The following EPAS1 variants were observed in gnomAD, a reference collection of about 807,000 sequenced individuals.
EPAS1 encodes endothelial PAS domain-containing protein 1.
EPAS1 carries 23 observed loss-of-function variants against 87.9 expected under a neutral mutation model. That is an observed-to-expected ratio of 0.26 (90% CI 0.19 to 0.37). The LOEUF is 0.37. EPAS1 is among the 10% of genes least tolerant of loss of function. The pLI, the probability that EPAS1 is intolerant of heterozygous loss-of-function variation, is 1.00. For missense variants in EPAS1, 1,138 were observed against 1,120.7 expected (o/e 1.02, Z -0.22); for synonymous variants, 508 against 444.3 (o/e 1.14, Z -1.80).
intron 1 of EPAS1, among the ~76,000 whole-genome samples, chr2:46,316,345 G>T (rs1284423234): frequency 6.6e-6 from 1 of 151,440 alleles, no homozygotes; most frequent in Non-Finnish European, 1.5e-5. Context: ...TGCAACTTCC[G>T]CCTCCTGGGT....
chr2:46,379,952 C>G (rs914059449), intron 11 of EPAS1: 2 of 538,202 alleles, frequency 3.7e-6, no homozygotes, highest in African/African-American at 1.9e-5. Flanking sequence ...AAGGCGGGCT[C>G]CGGACAGGTG....
chr2:46,329,291 C>T (rs1168354175), intron 1 of EPAS1, among the ~76,000 whole-genome samples: 1 of 152,182 alleles, frequency 6.6e-6, no homozygotes, highest in African/African-American at 2.4e-5. Context: ...TGCTAGAATG[C>T]TCTTTCTTTC....
chr2:46,346,270 A>G lies in EPAS1; in HGVS notation c.27-603A>G, dbSNP rs1451206085. ...CCCACTCCTTTTTAATCCTTGACAG[A>G]ACGCACGTTGGTACTCTAGACTGTT... is the stretch of plus-strand genomic sequence containing the variant. On this transcript the variant is annotated intron_variant, in intron 1 of 15. Coordinates refer to ENST00000263734, the MANE Select transcript of EPAS1 (RefSeq NM_001430.5). The surrounding 1 kb of genome is among the most constrained non-coding windows in gnomAD (Gnocchi z 4.0). Among the ~76,000 whole-genome samples the G allele has an allele frequency of 6.6e-6, 1 of 152,208 alleles. No homozygotes were observed. Among genetic ancestry groups the G allele is most frequent in the Non-Finnish European group, 1.5e-5 (1 of 68,040 alleles).
Position 46,297,775 on chromosome 2 carries a change from G to A in EPAS1, c.-137G>A. On this transcript the variant is annotated 5_prime_UTR_variant, in exon 1 of 16. Coordinates refer to ENST00000263734, the MANE Select transcript of EPAS1 (RefSeq NM_001430.5). ...GCGCCACCTTCCACCTGACTGCGCGGGGCGCTCGGGACCTGCGCGCACCTC... is the reference window on the plus strand; with the variant it reads ...GCGCCACCTTCCACCTGACTGCGCGAGGCGCTCGGGACCTGCGCGCACCTC... 2 of 1,221,862 alleles carry A rather than the reference G, an allele frequency of 1.6e-6. No homozygotes were observed. Among genetic ancestry groups the A allele is most frequent in the Non-Finnish European group, 2.3e-6 (2 of 860,090 alleles). The allele number at this position is 1,221,862 out of a possible 1,614,324, so 75.7% of individuals were successfully genotyped here.
At chr2:46,331,958 G>C (rs6746948) in intron 1 of EPAS1, among the ~76,000 whole-genome samples, 7,347 of 152,238 alleles carry the variant, frequency 0.048, 576 homozygotes, top group African/African-American at 0.17. Context: ...GCATAAAGTA[G>C]AATTAGCAGT....
intron 6 of EPAS1, among the ~76,000 whole-genome samples, chr2:46,366,789 C>T (rs572202303): frequency 2.6e-5 from 4 of 152,334 alleles, no homozygotes; most frequent in South Asian, 2.1e-4. Flanking sequence ...CAGCCCAGCT[C>T]GGAAGGCTTG....
Position 46,297,603 on chromosome 2 carries a change from C to A in EPAS1, c.-309C>A. On this transcript the variant is annotated 5_prime_UTR_variant, in exon 1 of 16. Coordinates refer to ENST00000263734, the MANE Select transcript of EPAS1 (RefSeq NM_001430.5). The stretch of plus-strand genomic sequence containing the variant: ...AAACTCAGAAAAGTGACTCCTTTTC[C>A]AGGGAAAAAGGAACTTGGGTTCCCT... The A allele has an allele frequency of 2.4e-6, 1 of 421,528 alleles. No homozygotes were observed. Among genetic ancestry groups the A allele is most frequent in the Non-Finnish European group, 4.3e-6 (1 of 230,130 alleles). 26.1% of individuals were successfully genotyped at this position (421,528 alleles called of 1,614,324 possible).
chr2:46,364,401 T>C lies in EPAS1; in HGVS notation c.779+3311T>C, dbSNP rs386507522. Reference sequence around the variant, plus strand: ...CAATCAAGCAAAAAAAGAAAAAGGGTCATGGAGAAAAAGATGAAAACCGAC... The same window carrying C: ...CAATCAAGCAAAAAAAGAAAAAGGGCCATGGAGAAAAAGATGAAAACCGAC... On this transcript the variant is annotated intron_variant, in intron 6 of 15. Transcript: ENST00000263734. Among the ~76,000 whole-genome samples, 28 of 151,752 alleles carry C rather than the reference T, an allele frequency of 1.8e-4. No individual in the cohort carries two copies. In the South Asian group the frequency reaches 3.6e-3, roughly 19 times the overall value.
Position 46,384,963 on chromosome 2 carries a change from C to A in EPAS1, c.*303C>A. On this transcript the variant is annotated 3_prime_UTR_variant, in exon 16 of 16. Transcript: ENST00000263734. ...TATTATCCATAGGTTTCTCTCCCTC[C>A]TTCTCCTTCTCACACACAACTGTCC... The A allele has an allele frequency of 2.4e-6, 1 of 413,814 alleles. No homozygotes were observed. 25.6% of individuals were successfully genotyped at this position (413,814 alleles called of 1,614,324 possible). A position where few individuals can be genotyped will look rare whatever the true frequency, so the allele number is the denominator to read the frequency against.
intron 1 of EPAS1, among the ~76,000 whole-genome samples, chr2:46,318,701 A>T (rs1208431414): frequency 1.3e-5 from 2 of 152,198 alleles, no homozygotes; most frequent in African/African-American, 4.8e-5. Flanking sequence ...TTAGGAGCTC[A>T]TATGCCATGT....
In EPAS1 at chr2:46,375,514, G is replaced by A; in HGVS notation, c.887-176G>A. On this transcript the variant is annotated intron_variant, in intron 7 of 15. Transcript: ENST00000263734. The surrounding 1 kb of genome is among the most constrained non-coding windows in gnomAD (Gnocchi z 4.1). The stretch of plus-strand genomic sequence containing the variant: ...TTTCCTATATTTAAAATGAAGAGTT[G>A]GCTGAGGTGATCCCTAAGCTCCCTC... 1.4e-6 allele frequency: 1 copy of A among 711,944 alleles called. No individual in the cohort carries two copies. The highest frequency in any genetic ancestry group is 1.7e-5 in the South Asian group (1 of 59,150). 44.1% of individuals were successfully genotyped at this position (711,944 alleles called of 1,614,324 possible). A position where few individuals can be genotyped will look rare whatever the true frequency, so the allele number is the denominator to read the frequency against.
chr2:46,324,396 C>T (rs903044780), intron 1 of EPAS1, among the ~76,000 whole-genome samples: 3 of 152,126 alleles, frequency 2.0e-5, no homozygotes, highest in Non-Finnish European at 4.4e-5. Flanking sequence ...AATTGCACAC[C>T]CCACAGTTCT....
chr2:46,351,897 G>T (rs1279023234), intron 2 of EPAS1, among the ~76,000 whole-genome samples: 4 of 152,174 alleles, frequency 2.6e-5, no homozygotes, highest in Admixed American at 1.3e-4. Context: ...AGCCCCTGCT[G>T]CCCAGGAAGT....
At position 46,297,597 on chromosome 2, in the gene EPAS1, C is replaced by A; in HGVS notation, c.-315C>A. ...CTTTGAAAACTCAGAAAAGTGACTC[C>A]TTTTCCAGGGAAAAAGGAACTTGGG... is the stretch of plus-strand genomic sequence containing the variant. On this transcript the variant is annotated 5_prime_UTR_variant, in exon 1 of 16. Transcript: ENST00000263734. 2.5e-6 allele frequency: 1 copy of A among 407,852 alleles called. No homozygotes were observed. The highest frequency in any genetic ancestry group is 4.5e-6 in the Non-Finnish European group (1 of 221,532). 25.3% of individuals were successfully genotyped at this position (407,852 alleles called of 1,614,324 possible). A position where few individuals can be genotyped will look rare whatever the true frequency, so the allele number is the denominator to read the frequency against.
chr2:46,311,530 A>G (rs1683211837), intron 1 of EPAS1, among the ~76,000 whole-genome samples: 1 of 152,180 alleles, frequency 6.6e-6, no homozygotes, highest in Admixed American at 6.5e-5. Flanking sequence ...ATGGCTAGAA[A>G]TTTGAGTCTA....
rs1684737133 is a variant in EPAS1, at chr2:46,375,970, A to G, written c.1034+133A>G. 1.7e-6 allele frequency: 2 copies of G among 1,206,016 alleles called. No individual in the cohort carries two copies. The highest frequency in any genetic ancestry group is 4.7e-5 in the East Asian group (2 of 42,624). 74.7% of individuals were successfully genotyped at this position (1,206,016 alleles called of 1,614,324 possible). Reference sequence around the variant, plus strand: ...GGGCACCACCTCAGGGAGGTCTTGCAGGGCTAACCCTAGTGACTGAGAGGA... The same window carrying G: ...GGGCACCACCTCAGGGAGGTCTTGCGGGGCTAACCCTAGTGACTGAGAGGA... On this transcript the variant is annotated intron_variant, in intron 8 of 15. Transcript: ENST00000263734. The surrounding 1 kb of genome is among the most constrained non-coding windows in gnomAD (Gnocchi z 4.1).
chr2:46,376,107 T>C (rs1471582961), intron 8 of EPAS1, among the ~76,000 whole-genome samples: 1 of 151,882 alleles, frequency 6.6e-6, no homozygotes, highest in East Asian at 1.9e-4. Flanking sequence ...GGGAGGCAGA[T>C]AGCACACAAT....
chr2:46,356,924 T>C, intron 4 of EPAS1, 116 bp downstream of exon 4: 1 of 771,562 alleles, frequency 1.3e-6, no homozygotes. Context: ...GAAAAATGGA[T>C]GTCCTTAAAA....
At chr2:46,368,241 C>A (rs1002230127) in intron 6 of EPAS1, among the ~76,000 whole-genome samples, 1 of 152,110 alleles carries the variant, frequency 6.6e-6, no homozygotes, top group East Asian at 1.9e-4. Context: ...CTGGAGAGGG[C>A]TCTGTGGAGA....
Sources: gnomAD v4.1 joint callset for allele counts (sites outside exome capture counted in the v4.1 genomes callset) on GRCh38, gnomAD v4.1.1 for gene constraint, Gnocchi (gnomAD v3.1) non-coding constraint, MANE v1.5 for transcripts, NCBI Gene and HGNC (gene_info 2026-07-23, HGNC 2026-07-21) for gene names.